Variants in DCAF10 observed in about 807,000 individuals in gnomAD.
DCAF10 encodes DDB1- and CUL4-associated factor 10.
A neutral mutation model predicts 51.9 loss-of-function variants in DCAF10; 19 were observed. The observed-to-expected ratio is 0.37, with a 90% CI of 0.26 to 0.54. DCAF10 has a LOEUF of 0.54. DCAF10 is among the 20% of genes least tolerant of loss of function. DCAF10 has a pLI of 0.87. For synonymous variants in DCAF10, 291 were observed against 297.1 expected (o/e 0.98, Z 0.21); for missense variants, 510 against 730.6 (o/e 0.70, Z 3.48).
chr9:37,816,590 C>CA (rs78473199), intron 1 of DCAF10, among the ~76,000 whole-genome samples: 57 of 148,358 alleles, frequency 3.8e-4, no homozygotes, highest in East Asian at 1.2e-3. Flanking sequence ...AACTCTGTCT[C>CA]AAAAAAAAAC....
Position 37,861,156 on chromosome 9 carries a change from A to C in DCAF10, c.1328A>C (p.Glu443Ala), listed in dbSNP as rs1831003450. 1 of 1,601,784 alleles carries C rather than the reference A, an allele frequency of 6.2e-7. No homozygotes were observed. Among genetic ancestry groups the C allele is most frequent in the South Asian group, 1.1e-5 (1 of 90,934 alleles). ...TCCCCCTAGTGTACTTGTGTCTATG[A>C]ATTCCAAGAAGGAGCTCCAGTGCGA... ...SDDEECTCVY[E>A]FQEGAPVRPV... Residue 443 changes from glutamate to alanine, a missense_variant, in exon 7 of 7, where the codon GAA becomes GCA. Around this residue, in one of 4 missense-constraint regions of DCAF10, gnomAD observed 104 missense variants for 206.2 expected, o/e 0.50. Transcript: ENST00000377724. This position sits in a 1 kb window ranked among gnomAD's most constrained non-coding sequence, Gnocchi z 4.9.
intron 2 of DCAF10, among the ~76,000 whole-genome samples, chr9:37,821,229 G>A (rs1166865332): frequency 6.6e-6 from 1 of 152,042 alleles, no homozygotes; most frequent in African/African-American, 2.4e-5. Context: ...TAATACCCAT[G>A]GGATTACCTT....
Position 37,801,204 on chromosome 9 carries a change from G to A in DCAF10, c.338G>A (p.Gly113Asp), listed in dbSNP as rs1564020862. Residue 113 changes from glycine (G) to aspartate (D), a missense_variant, in exon 1 of 7, where the codon GGC (glycine) becomes GAC (aspartate). Physicochemically the swap from Gly to Asp is moderately conservative, Grantham distance 94. This residue lies in a region of DCAF10 where 251 missense variants were observed against 227.9 expected (regional missense o/e 1.10). Transcript: ENST00000377724. The surrounding 1 kb of genome is among the most constrained non-coding windows in gnomAD (Gnocchi z 5.5). Reference sequence around the variant, plus strand: ...AAGAGCCGGGGCCGACACGGCCTCGGCGCGGGCCTGGGCGGCCCTGGCGCT... The same window carrying A: ...AAGAGCCGGGGCCGACACGGCCTCGACGCGGGCCTGGGCGGCCCTGGCGCT... ...RAKSRGRHGL[G>D]AGLGGPGARL... 2 of 1,552,226 alleles carry A rather than the reference G, an allele frequency of 1.3e-6. No individual in the cohort carries two copies. Among genetic ancestry groups the A allele is most frequent in the Non-Finnish European group, 1.7e-6 (2 of 1,151,378 alleles).
At chr9:37,828,517 T>C (rs1260249505) in intron 2 of DCAF10, among the ~76,000 whole-genome samples, 1 of 152,178 alleles carries the variant, frequency 6.6e-6, no homozygotes, top group Non-Finnish European at 1.5e-5. Flanking sequence ...CATAAAGAAG[T>C]TGATTCTCCC....
chr9:37,811,553 T>TA (rs1320723100), intron 1 of DCAF10, among the ~76,000 whole-genome samples: 1 of 151,704 alleles, frequency 6.6e-6, no homozygotes, highest in East Asian at 1.9e-4. Context: ...AACTAGAAGC[T>TA]AAAAAAAGAA....
rs10115457 is a variant in DCAF10, at chr9:37,861,797, C to T, written c.*289C>T. 1 of 291,488 alleles carries T rather than the reference C, an allele frequency of 3.4e-6. No individual in the cohort carries two copies. Among genetic ancestry groups the T allele is most frequent in the East Asian group, 5.9e-5 (1 of 16,916 alleles). The allele number at this position is 291,488 out of a possible 1,614,324, so 18.1% of individuals were successfully genotyped here. On this transcript the variant is annotated 3_prime_UTR_variant, in exon 7 of 7. Coordinates refer to ENST00000377724, the MANE Select transcript of DCAF10 (RefSeq NM_024345.5). The surrounding 1 kb of genome is among the most constrained non-coding windows in gnomAD (Gnocchi z 4.9). The stretch of plus-strand genomic sequence containing the variant: ...TCATTTTGCATGGTAGCTCTTGTCA[C>T]GTTCCTTCCTTCCTCACTCTCTATT...
chr9:37,861,124 C>T lies in DCAF10; in HGVS notation c.1312-16C>T. 6.3e-7 allele frequency: 1 copy of T among 1,586,036 alleles called. No individual in the cohort carries two copies. The highest frequency in any genetic ancestry group is 8.6e-7 in the Non-Finnish European group (1 of 1,158,984). On this transcript the variant is annotated splice_polypyrimidine_tract_variant and intron_variant, in intron 6 of 6. Transcript: ENST00000377724. The surrounding 1 kb of genome is among the most constrained non-coding windows in gnomAD (Gnocchi z 4.9). ...GGGCTCTGTAACCTTGGTTTGTCTCCCTTCTCTCCCCCTAGTGTACTTGTG... is the reference window on the plus strand; with the variant it reads ...GGGCTCTGTAACCTTGGTTTGTCTCTCTTCTCTCCCCCTAGTGTACTTGTG...
chr9:37,849,711 T>G (rs1188143972), intron 3 of DCAF10, among the ~76,000 whole-genome samples: 1 of 152,122 alleles, frequency 6.6e-6, no homozygotes, highest in Non-Finnish European at 1.5e-5. Context: ...TGAAACCCCG[T>G]GTCTACTAAA....
Position 37,801,325 on chromosome 9 carries a change from T to G in DCAF10, c.459T>G (p.Gly153=), listed in dbSNP as rs1223301724. 1 of 1,589,406 alleles carries G rather than the reference T, an allele frequency of 6.3e-7. No individual in the cohort carries two copies. Among genetic ancestry groups the G allele is most frequent in the Non-Finnish European group, 8.5e-7 (1 of 1,171,080 alleles). ...DNFRTMTSLY[G]SIHPADSVYL... Reference sequence around the variant, plus strand: ...TTCGCACCATGACTAGCCTCTACGGTTCCATCCACCCCGCGGACTCGGTGT... The same window carrying G: ...TTCGCACCATGACTAGCCTCTACGGGTCCATCCACCCCGCGGACTCGGTGT... Residue 153 remains glycine (G), a synonymous_variant, in exon 1 of 7, where the codon GGT becomes GGG. Coordinates refer to ENST00000377724, the MANE Select transcript of DCAF10 (RefSeq NM_024345.5). The surrounding 1 kb of genome is among the most constrained non-coding windows in gnomAD (Gnocchi z 5.5).
intron 1 of DCAF10, among the ~76,000 whole-genome samples, chr9:37,808,654 A>T (rs10973559): frequency 6.4e-5 from 4 of 62,320 alleles, no homozygotes; most frequent in Admixed American, 2.3e-4. Context: ...ATATAATATA[A>T]AATATAAATA....
At chr9:37,860,385 T>C (rs182115403) in intron 6 of DCAF10, 192 bp downstream of exon 6, 69 of 635,112 alleles carry the variant, frequency 1.1e-4, no homozygotes, top group African/African-American at 1.1e-3. Context: ...TCCAAACTCT[T>C]CTTATTCCTC....
intron 4 of DCAF10, among the ~76,000 whole-genome samples, chr9:37,856,041 C>T (rs1480921366): frequency 2.6e-5 from 4 of 152,134 alleles, no homozygotes; most frequent in Non-Finnish European, 4.4e-5. Context: ...GTCCCATCTA[C>T]TCAGGAAGCT....
At position 37,829,637 on chromosome 9, in the gene DCAF10, G is replaced by A. The variant is rs1829950984; in HGVS notation, c.653+10236G>A. On this transcript the variant is annotated intron_variant, in intron 2 of 6. Coordinates refer to ENST00000377724, the MANE Select transcript of DCAF10 (RefSeq NM_024345.5). The surrounding 1 kb of genome is among the most constrained non-coding windows in gnomAD (Gnocchi z 4.2). ...ATAGGCACTCTTAGATATTACTGAT[G>A]AAGTATAAATTTATAACATTATTTT... 6.6e-6 allele frequency among the ~76,000 whole-genome samples: 1 copy of A among 152,104 alleles called. No individual in the cohort carries two copies. The highest frequency in any genetic ancestry group is 1.5e-5 in the Non-Finnish European group (1 of 68,024).
chr9:37,828,116 G>A (rs1033591582), intron 2 of DCAF10, among the ~76,000 whole-genome samples: 1 of 152,056 alleles, frequency 6.6e-6, no homozygotes, highest in African/African-American at 2.4e-5. Context: ...TGACGCTGCT[G>A]ACCTCAAGCG....
chr9:37,803,268 G>A (rs1218446932), intron 1 of DCAF10, among the ~76,000 whole-genome samples: 1 of 151,994 alleles, frequency 6.6e-6, no homozygotes, highest in Non-Finnish European at 1.5e-5. Context: ...ATTTGTGTAT[G>A]TTTATTTTAA....
intron 1 of DCAF10, among the ~76,000 whole-genome samples, chr9:37,802,942 T>C (rs945670521): frequency 6.6e-6 from 1 of 152,196 alleles, no homozygotes; most frequent in African/African-American, 2.4e-5. Context: ...CTCCTACCGA[T>C]ACTTTCAGGA....
chr9:37,811,721 A>T (rs1013286219), intron 1 of DCAF10, among the ~76,000 whole-genome samples: 2 of 152,240 alleles, frequency 1.3e-5, no homozygotes, highest in African/African-American at 2.4e-5. Flanking sequence ...AGAGATTAAG[A>T]TATGTCATAA....
chr9:37,833,542 T>C (rs1464392121), intron 2 of DCAF10, among the ~76,000 whole-genome samples: 1 of 152,226 alleles, frequency 6.6e-6, no homozygotes, highest in Non-Finnish European at 1.5e-5. Flanking sequence ...CCCATTTTAA[T>C]AGAATTCATT....
chr9:37,840,643 G>A (rs1009181234), intron 2 of DCAF10, among the ~76,000 whole-genome samples: 15 of 152,100 alleles, frequency 9.9e-5, no homozygotes, highest in Admixed American at 5.2e-4. Flanking sequence ...TATAGTAATC[G>A]AAGGTTAATT....
Sources: allele counts gnomAD v4.1 joint callset (sites outside exome capture counted in the v4.1 genomes callset), GRCh38; gene constraint gnomAD v4.1.1; regional missense constraint gnomAD v4.1.1; non-coding constraint Gnocchi (gnomAD v3.1); transcripts MANE v1.5; gene names NCBI Gene and HGNC (gene_info 2026-07-23, HGNC 2026-07-21).